COL17A1: variants seen among roughly 807,000 people sequenced by gnomAD.
COL17A1 encodes the protein collagen type XVII alpha 1 chain.
COL17A1 carries 181 observed loss-of-function variants against 218.4 expected under a neutral mutation model. That is an observed-to-expected ratio of 0.83 (90% CI 0.73 to 0.94). COL17A1 has a LOEUF of 0.94. Ranked by LOEUF, COL17A1 falls within the 40% of genes least tolerant of loss-of-function variation. COL17A1 has a pLI of 0.00. For missense variants in COL17A1, 1,924 were observed against 1,945.9 expected (o/e 0.99, Z 0.21); for synonymous variants, 721 against 731.0 (o/e 0.99, Z 0.22).
chr10:104,041,229 C>T, intron 38 of COL17A1, 74 bp downstream of exon 38: 3 of 1,606,674 alleles, frequency 1.9e-6, no homozygotes. Context: ...CCAGAGGGCC[C>T]TGGGCTCAGG....
intron 4 of COL17A1, 70 bp downstream of exon 4, chr10:104,077,352 T>C: frequency 2.5e-6 from 3 of 1,220,634 alleles, no homozygotes; most frequent in Non-Finnish European, 3.6e-6. Flanking sequence ...GTGTCCTGTG[T>C]AGGACTTTCT....
intron 12 of COL17A1, among the ~76,000 whole-genome samples, chr10:104,061,783 G>C (rs1474491088): frequency 1.3e-5 from 2 of 151,986 alleles, no homozygotes; most frequent in African/African-American, 4.8e-5. Context: ...GTCTTATAGA[G>C]CCTCTCGTTG....
At position 104,035,484 on chromosome 10, in the gene COL17A1, G is replaced by A. The variant is rs1463488365; in HGVS notation, c.3498C>T (p.Ser1166=). The A allele has an allele frequency of 6.2e-7, 1 of 1,614,002 alleles. No homozygotes were observed. The highest frequency in any genetic ancestry group is 8.5e-7 in the Non-Finnish European group (1 of 1,179,962). Residue 1166 remains serine, a synonymous_variant, in exon 49 of 56, where the codon TCC becomes TCT. Coordinates refer to ENST00000648076, the MANE Select transcript of COL17A1 (RefSeq NM_000494.4). ...CCTGCTGGGCCTTACCTCGCAGCAA[G>A]GAGAGGAGCTCCTCATAGGAGGTTC... The part of the protein sequence containing the change: ...LPGTSYEELL[S]LLRGSEFRGI...
chr10:104,061,797 C>T (rs2086585204), intron 12 of COL17A1, among the ~76,000 whole-genome samples: 1 of 152,162 alleles, frequency 6.6e-6, no homozygotes, highest in Admixed American at 6.5e-5. Context: ...CTCGTTGTCT[C>T]ATGTGTGTTA....
chr10:104,039,802 G>GCA (rs903531456), intron 41 of COL17A1, among the ~76,000 whole-genome samples, 162 bp from the exon 42 acceptor site: 2 of 146,806 alleles, frequency 1.4e-5, no homozygotes, highest in Admixed American at 6.7e-5. Flanking sequence ...ACACGCACAC[G>GCA]CACACTTGCA....
rs894723358 is a variant in COL17A1 at position 104,054,129 on chromosome 10, A to G, written c.1745-11T>C. On this transcript the variant is annotated splice_polypyrimidine_tract_variant and intron_variant, in intron 20 of 55. Transcript: ENST00000648076. ...GGAACCCTCGATCTCCTGCAGGAAC[A>G]AAGGCAAAAGAGAGAGTGGTCAGCC... The G allele has an allele frequency of 1.9e-6, 3 of 1,604,500 alleles. No individual in the cohort carries two copies. The African/African-American group carries it at 4.0e-5, about 21-fold the overall frequency.
At position 104,037,756 on chromosome 10, in the gene COL17A1, A is replaced by G. The variant is rs1283836870; in HGVS notation, c.3088T>C (p.Tyr1030His). The change falls in exon 46 of 56, where the codon TAC (tyrosine) becomes CAC (histidine). Residue 1030 changes from tyrosine (Y) to histidine (H), a missense_variant. Tyr to His is a moderately conservative substitution (Grantham distance 83, BLOSUM62 2). Coordinates refer to ENST00000648076, the MANE Select transcript of COL17A1 (RefSeq NM_000494.4). ...GGGGGACCCTGAACTCCGGATAGGT[A>G]AGATCTAATACTGTCACCTGCCGAC... ...EYMQSDSIRS[Y>H]LSGVQGPPGP... 6.2e-7 allele frequency: 1 copy of G among 1,614,070 alleles called. No individual in the cohort carries two copies. The highest frequency in any genetic ancestry group is 1.7e-5 in the Admixed American group (1 of 60,012).
At position 104,034,194 on chromosome 10, in the gene COL17A1, G is replaced by T; in HGVS notation, c.3907C>A (p.Arg1303=). Residue 1303 remains arginine, a synonymous_variant, in exon 52 of 56, where the codon CGG becomes AGG. Coordinates refer to ENST00000648076, the MANE Select transcript of COL17A1 (RefSeq NM_000494.4). ...ATGGAAGAGCTGTAGGAGCTGCCCC[G>T]CCTGACAGATGAGCTGTGTGAGGAG... ...SSSSHSSSVR[R]GSSYSSSMST... The T allele has an allele frequency of 6.2e-7, 1 of 1,613,240 alleles. No individual in the cohort carries two copies. Among genetic ancestry groups the T allele is most frequent in the Non-Finnish European group, 8.5e-7 (1 of 1,179,934 alleles).
chr10:104,062,250 C>T lies in COL17A1; in HGVS notation c.910+8G>A. 1 of 1,614,192 alleles carries T rather than the reference C, an allele frequency of 6.2e-7. No individual in the cohort carries two copies. The highest frequency in any genetic ancestry group is 8.5e-7 in the Non-Finnish European group (1 of 1,180,030). On this transcript the variant is annotated splice_region_variant and intron_variant, in intron 12 of 55. Transcript: ENST00000648076. ...CCAGCGCCTAAGCTCCAACCCTAGCCTACTGACCTGTGGAAGTGGTGGTGG... is the reference window on the plus strand; with the variant it reads ...CCAGCGCCTAAGCTCCAACCCTAGCTTACTGACCTGTGGAAGTGGTGGTGG...
chr10:104,033,376 C>T lies in COL17A1; in HGVS notation c.4157-1G>A, dbSNP rs113726462. ...GCCATCCCTTGCAGTAGGCCCTGAC[C>T]TGTAAAACACCAGAGCTTGGGCACA... is the stretch of plus-strand genomic sequence containing the variant. On this transcript the variant is annotated splice_acceptor_variant, in intron 52 of 55. Coordinates refer to ENST00000648076, the MANE Select transcript of COL17A1 (RefSeq NM_000494.4). LOFTEE classifies it high-confidence loss of function. The T allele has an allele frequency of 6.2e-7, 1 of 1,610,224 alleles. No homozygotes were observed. The highest frequency in any genetic ancestry group is 1.1e-5 in the South Asian group (1 of 90,072).
At chr10:104,070,124 A>G (rs1442092672) in intron 9 of COL17A1, among the ~76,000 whole-genome samples, 1 of 152,198 alleles carries the variant, frequency 6.6e-6, no homozygotes, top group African/African-American at 2.4e-5. Flanking sequence ...GGGAATATCC[A>G]ATCAATCTAA....
chr10:104,049,671 G>C (rs979629962), intron 28 of COL17A1, among the ~76,000 whole-genome samples, 200 bp from the exon 29 acceptor site: 1 of 152,200 alleles, frequency 6.6e-6, no homozygotes, highest in African/African-American at 2.4e-5. Context: ...ATGTGCATGA[G>C]TCTTATTTCC....
At chr10:104,074,355 G>T in intron 5 of COL17A1, 124 bp from the exon 6 acceptor site, 1 of 1,367,144 alleles carries the variant, frequency 7.3e-7, no homozygotes, top group Non-Finnish European at 1.0e-6. Context: ...AGGGGGGAAT[G>T]AGGTATGCTC....
intron 1 of COL17A1, among the ~76,000 whole-genome samples, chr10:104,084,414 A>G (rs944235566): frequency 1.3e-5 from 2 of 151,926 alleles, no homozygotes; most frequent in Admixed American, 6.5e-5. Flanking sequence ...GGTTCAAGCA[A>G]TTCTCCTGCC....
intron 45 of COL17A1, among the ~76,000 whole-genome samples, chr10:104,038,137 G>T (rs2086319513): frequency 1.3e-5 from 2 of 152,062 alleles, no homozygotes; most frequent in African/African-American, 4.8e-5. Flanking sequence ...GCTGTGTCGG[G>T]GGCAGCTATG....
At chr10:104,050,696 A>C in intron 26 of COL17A1, 40 bp from the exon 27 acceptor site, 3 of 1,614,140 alleles carry the variant, frequency 1.9e-6, no homozygotes, top group Non-Finnish European at 2.5e-6. Context: ...AATGCCCTAC[A>C]AGGGACAACC....
intron 31 of COL17A1, among the ~76,000 whole-genome samples, chr10:104,047,040 G>C (rs1283996338): frequency 6.6e-6 from 1 of 152,170 alleles, no homozygotes; most frequent in Non-Finnish European, 1.5e-5. Context: ...TTTGGAATCT[G>C]AGGAGAGCCA....
chr10:104,037,757 A>C lies in COL17A1; in HGVS notation c.3087T>G (p.Ser1029=), dbSNP rs201918712. The C allele has an allele frequency of 1.7e-4, 271 of 1,613,958 alleles. 1 individual carries two copies. Among genetic ancestry groups the C allele is most frequent in the Non-Finnish European group, 2.3e-4 (267 of 1,180,008 alleles). The change falls in exon 46 of 56, where the codon TCT becomes TCG. Residue 1029 remains serine (S), a synonymous_variant. Coordinates refer to ENST00000648076, the MANE Select transcript of COL17A1 (RefSeq NM_000494.4). Reference sequence around the variant, plus strand: ...GGGGACCCTGAACTCCGGATAGGTAAGATCTAATACTGTCACCTGCCGACC... The same window carrying C: ...GGGGACCCTGAACTCCGGATAGGTACGATCTAATACTGTCACCTGCCGACC... ...SEYMQSDSIR[S]YLSGVQGPPG...
chr10:104,055,453 C>CACACAT (rs2086512724), intron 18 of COL17A1, 52 bp from the exon 19 acceptor site: 3 of 1,443,196 alleles, frequency 2.1e-6, no homozygotes, highest in Non-Finnish European at 2.9e-6. Flanking sequence ...GTCACACACA[C>CACACAT]ACACACACAC....
Sources: allele counts gnomAD v4.1 joint callset (sites outside exome capture counted in the v4.1 genomes callset), GRCh38; gene constraint gnomAD v4.1.1; transcripts MANE v1.5; gene names NCBI Gene and HGNC (gene_info 2026-07-23, HGNC 2026-07-21).